RASGRF2: variants seen among roughly 807,000 people sequenced by gnomAD.
RASGRF2 encodes Ras protein specific guanine nucleotide releasing factor 2.
A neutral mutation model predicts 151.0 loss-of-function variants in RASGRF2; 76 were observed. That is an observed-to-expected ratio of 0.50 (90% CI 0.42 to 0.61). The LOEUF (loss-of-function observed/expected upper bound fraction) is 0.61, where lower values mean the gene tolerates loss of function less well. Ranked by LOEUF, RASGRF2 falls within the 20% of genes least tolerant of loss-of-function variation. The probability of loss-of-function intolerance (pLI) is 0.00; values close to 1 mark genes in which losing one functional copy is unlikely to be tolerated. For missense variants in RASGRF2, 1,148 were observed against 1,564.6 expected, an observed-to-expected ratio of 0.73 and a Z score of 4.49; for synonymous variants, 504 against 566.5, an observed-to-expected ratio of 0.89 and a Z score of 1.57.
intron 19 of RASGRF2, among the ~76,000 whole-genome samples, chr5:81,205,669 A>C (rs1162307187): frequency 7.2e-5 from 11 of 152,322 alleles, no homozygotes; most frequent in Admixed American, 2.0e-4. Context: ...ATATCGCATA[A>C]ATCTTTCGCC....
chr5:81,062,706 A>C (rs1241453536), intron 2 of RASGRF2, among the ~76,000 whole-genome samples: 2 of 152,306 alleles, frequency 1.3e-5, no homozygotes, highest in Non-Finnish European at 2.9e-5. Flanking sequence ...CGTGTCATTG[A>C]ATATTTGCTC....
At chr5:81,169,832 G>A (rs1367270931) in intron 17 of RASGRF2, among the ~76,000 whole-genome samples, 7 of 79,420 alleles carry the variant, frequency 8.8e-5, no homozygotes, top group Non-Finnish European at 1.5e-4. Context: ...TGCATCACCT[G>A]CATCACTTGC....
intron 17 of RASGRF2, among the ~76,000 whole-genome samples, chr5:81,161,423 A>T (rs112391306): frequency 1.4e-3 from 217 of 152,286 alleles, no homozygotes; most frequent in Non-Finnish European, 2.9e-3. Flanking sequence ...CATTTCACTC[A>T]TTGGAGAGCA....
At chr5:81,206,648 G>T (rs1426705609) in intron 19 of RASGRF2, among the ~76,000 whole-genome samples, 197 bp from the exon 20 acceptor site, 1 of 152,176 alleles carries the variant, frequency 6.6e-6, no homozygotes, top group Non-Finnish European at 1.5e-5. Flanking sequence ...CAGCTGTCCT[G>T]ATGATTCTCT....
rs139660534 is a variant in RASGRF2 at position 80,962,079 on chromosome 5, G to T, written c.288+1053G>T. ...CTGTGGGAGGTGCTAGCAATGGAGT[G>T]ATCCGTAAGATGCCTACCTAACCCT... On this transcript the variant is annotated intron_variant, in intron 1 of 26. Transcript: ENST00000265080. 2.0e-3 allele frequency among the ~76,000 whole-genome samples: 299 copies of T among 152,290 alleles called. 1 individual carries two copies. The highest frequency in any genetic ancestry group is 7.0e-3 in the African/African-American group (291 of 41,564).
chr5:81,149,061 A>G (rs1236379662), intron 17 of RASGRF2, among the ~76,000 whole-genome samples: 4 of 152,218 alleles, frequency 2.6e-5, no homozygotes, highest in Non-Finnish European at 5.9e-5. Flanking sequence ...AACTAGTACA[A>G]CTACTATGGA....
At position 81,015,845 on chromosome 5, in the gene RASGRF2, T is replaced by A. The variant is rs368594717; in HGVS notation, c.289-27032T>A. Among the ~76,000 whole-genome samples, 5 of 152,204 alleles carry A rather than the reference T, an allele frequency of 3.3e-5. 1 individual carries two copies. Among genetic ancestry groups the A allele is most frequent in the African/African-American group, 1.2e-4 (5 of 41,460 alleles). ...ACTTAAAATGCAAAAAATGAAACAA[T>A]GTTTTTAAGTATTCTTTCTGGCACT... is the stretch of plus-strand genomic sequence containing the variant. On this transcript the variant is annotated intron_variant, in intron 1 of 26. Coordinates refer to ENST00000265080, the MANE Select transcript of RASGRF2 (RefSeq NM_006909.3).
At chr5:81,174,627 G>A (rs56780169) in intron 17 of RASGRF2, among the ~76,000 whole-genome samples, 5,282 of 152,290 alleles carry the variant, frequency 0.035, 309 homozygotes, top group African/African-American at 0.12. Context: ...GGAAATTAAT[G>A]CAGATTCTTT....
chr5:81,142,628 G>T (rs371649079), intron 17 of RASGRF2, among the ~76,000 whole-genome samples: 1 of 152,006 alleles, frequency 6.6e-6, no homozygotes, highest in African/African-American at 2.4e-5. Context: ...TACCTTGCTA[G>T]GTTCTCACCT....
intron 12 of RASGRF2, among the ~76,000 whole-genome samples, chr5:81,097,785 T>C (rs1275273269): frequency 2.0e-5 from 3 of 150,314 alleles, no homozygotes; most frequent in Non-Finnish European, 4.4e-5. Context: ...AGAGGGAGAA[T>C]AGAAAAAAAA....
chr5:81,091,804 A>G (rs960753985), intron 9 of RASGRF2, among the ~76,000 whole-genome samples: 1 of 152,150 alleles, frequency 6.6e-6, no homozygotes, highest in African/African-American at 2.4e-5. Flanking sequence ...CTACAATCTC[A>G]TCTCTTAGTG....
intron 2 of RASGRF2, among the ~76,000 whole-genome samples, chr5:81,047,714 C>T (rs181003557): frequency 1.2e-4 from 19 of 152,368 alleles, no homozygotes; most frequent in African/African-American, 3.8e-4. Flanking sequence ...TCCAACCTGA[C>T]GAGCAGAGAG....
At chr5:81,026,008 T>A (rs1580219517) in intron 1 of RASGRF2, among the ~76,000 whole-genome samples, 1 of 121,188 alleles carries the variant, frequency 8.3e-6, no homozygotes, top group East Asian at 2.8e-4. Flanking sequence ...CCTTCCTTTC[T>A]TCCTTCCCTC....
intron 12 of RASGRF2, among the ~76,000 whole-genome samples, chr5:81,108,160 G>A (rs1057124773): frequency 2.6e-5 from 4 of 152,190 alleles, no homozygotes; most frequent in Non-Finnish European, 5.9e-5. Flanking sequence ...GTATCATAGC[G>A]ACTAGAAGCT....
At chr5:81,112,242 C>G (rs1053712877) in intron 13 of RASGRF2, among the ~76,000 whole-genome samples, 3 of 152,052 alleles carry the variant, frequency 2.0e-5, no homozygotes, top group African/African-American at 7.3e-5. Context: ...CAAAAAATAG[C>G]TATACAACAA....
At chr5:81,066,709 A>G (rs890535409) in intron 2 of RASGRF2, among the ~76,000 whole-genome samples, 7 of 152,212 alleles carry the variant, frequency 4.6e-5, no homozygotes, top group Non-Finnish European at 1.0e-4. Context: ...ATGGCTGCCC[A>G]AAAATGGCAA....
chr5:80,991,838 A>G (rs534425829), intron 1 of RASGRF2, among the ~76,000 whole-genome samples: 41 of 152,364 alleles, frequency 2.7e-4, no homozygotes, highest in African/African-American at 8.7e-4. Context: ...TGCCAGGGAC[A>G]GTGGCTTTTA....
At chr5:81,077,409 T>C (rs1305986331) in intron 5 of RASGRF2, among the ~76,000 whole-genome samples, 4 of 152,146 alleles carry the variant, frequency 2.6e-5, no homozygotes, top group African/African-American at 9.7e-5. Context: ...AAGAGTAGTG[T>C]TGGAGAAAAG....
At chr5:81,007,338 T>G (rs1749305795) in intron 1 of RASGRF2, among the ~76,000 whole-genome samples, 1 of 152,138 alleles carries the variant, frequency 6.6e-6, no homozygotes, top group Non-Finnish European at 1.5e-5. Context: ...ACTTTCTGGT[T>G]TTCAAGCTCA....
Sources: allele counts gnomAD v4.1 joint callset (sites outside exome capture counted in the v4.1 genomes callset), GRCh38; gene constraint gnomAD v4.1.1; transcripts MANE v1.5; gene names NCBI Gene and HGNC (gene_info 2026-07-23, HGNC 2026-07-21).